F13A1: variants seen among roughly 807,000 people sequenced by gnomAD.
The protein encoded by F13A1 is FSF, A subunit.
Under a neutral mutation model 80.1 loss-of-function variants are expected in F13A1, and 47 were observed. The observed-to-expected ratio is 0.59, with a 90% CI of 0.46 to 0.75. The LOEUF (loss-of-function observed/expected upper bound fraction) is 0.75, where lower values mean the gene tolerates loss of function less well. Ranked by LOEUF, F13A1 falls within the 30% of genes least tolerant of loss-of-function variation. The probability of loss-of-function intolerance (pLI) is 0.00; values close to 1 mark genes in which losing one functional copy is unlikely to be tolerated. For missense variants in F13A1, 817 were observed against 930.4 expected (o/e 0.88, Z 1.59); for synonymous variants, 349 against 344.9 (o/e 1.01, Z -0.13).
chr6:6,146,113 C>T (rs953010162), intron 14 of F13A1, among the ~76,000 whole-genome samples: 6 of 152,158 alleles, frequency 3.9e-5, no homozygotes, highest in Non-Finnish European at 8.8e-5. Context: ...GTAGCCTTAT[C>T]TATGTGACTG....
At chr6:6,302,632 C>A (rs746666660) in intron 3 of F13A1, among the ~76,000 whole-genome samples, 1 of 152,100 alleles carries the variant, frequency 6.6e-6, no homozygotes, top group Non-Finnish European at 1.5e-5. Flanking sequence ...TGAGTGAATG[C>A]GAAGGCCTAG....
At chr6:6,165,395 A>G (rs143417474) in intron 13 of F13A1, among the ~76,000 whole-genome samples, 54 of 152,338 alleles carry the variant, frequency 3.5e-4, no homozygotes, top group African/African-American at 1.2e-3. Context: ...GATGAAAGTT[A>G]TCAGTTTCCT....
At chr6:6,231,073 G>A (rs552982705) in intron 6 of F13A1, among the ~76,000 whole-genome samples, 6 of 152,074 alleles carry the variant, frequency 3.9e-5, no homozygotes, top group African/African-American at 1.4e-4. Flanking sequence ...AAACAAAGAA[G>A]AAATCCCTGA....
In F13A1 at chr6:6,190,893, C is replaced by T. The variant is rs555236575; in HGVS notation, c.1305+4904G>A. 3.2e-4 allele frequency among the ~76,000 whole-genome samples: 49 copies of T among 152,230 alleles called. 2 individuals are homozygous for T. In the East Asian group the frequency reaches 8.3e-3, roughly 26 times the overall value. The stretch of plus-strand genomic sequence containing the variant: ...TCAGCGAGACTCCGTGGGCGTAGGA[C>T]CCTCCGAGCCAGGTGCGGGATATAA... On this transcript the variant is annotated intron_variant, in intron 10 of 14. Coordinates refer to ENST00000264870, the MANE Select transcript of F13A1 (RefSeq NM_000129.4).
chr6:6,191,325 C>G (rs564920899), intron 10 of F13A1, among the ~76,000 whole-genome samples: 13 of 152,332 alleles, frequency 8.5e-5, no homozygotes, highest in African/African-American at 3.1e-4. Flanking sequence ...TGTGAAAGCC[C>G]TACATTTACG....
intron 13 of F13A1, among the ~76,000 whole-genome samples, chr6:6,159,504 T>A (rs1441358263): frequency 6.6e-6 from 1 of 152,082 alleles, no homozygotes; most frequent in African/African-American, 2.4e-5. Context: ...CTGTGCAAAG[T>A]GGAAAAGGGA....
intron 8 of F13A1, among the ~76,000 whole-genome samples, chr6:6,203,284 A>C (rs964312544): frequency 3.3e-5 from 5 of 152,128 alleles, no homozygotes; most frequent in Admixed American, 1.3e-4. Flanking sequence ...TGTAGGTGAA[A>C]TCTATAAACA....
chr6:6,194,673 T>C (rs1761258099), intron 10 of F13A1, among the ~76,000 whole-genome samples: 1 of 152,204 alleles, frequency 6.6e-6, no homozygotes, highest in Non-Finnish European at 1.5e-5. Context: ...TTGTTGTTAT[T>C]TCATGTTCAG....
chr6:6,233,700 C>A (rs1757380728), intron 6 of F13A1, among the ~76,000 whole-genome samples: 2 of 152,018 alleles, frequency 1.3e-5, no homozygotes, highest in African/African-American at 4.8e-5. Context: ...AAATCTTTCA[C>A]AAAATACTAG....
chr6:6,232,885 TA>T (rs1275617900), intron 6 of F13A1, among the ~76,000 whole-genome samples: 1 of 152,010 alleles, frequency 6.6e-6, no homozygotes, highest in Admixed American at 6.6e-5. Flanking sequence ...AGATGAAAAT[TA>T]AAAAATTCTT....
intron 13 of F13A1, among the ~76,000 whole-genome samples, chr6:6,160,397 C>T (rs975698090): frequency 5.3e-5 from 8 of 151,190 alleles, no homozygotes; most frequent in East Asian, 2.0e-4. Flanking sequence ...AGTGCAGTGG[C>T]GGGATCTCGG....
chr6:6,208,687 CAAAG>C (rs1174672582), intron 8 of F13A1, among the ~76,000 whole-genome samples: 2 of 151,932 alleles, frequency 1.3e-5, no homozygotes, highest in African/African-American at 4.8e-5. Context: ...CTGAGTGAAA[CAAAG>C]AATCTTTAAG....
intron 13 of F13A1, among the ~76,000 whole-genome samples, chr6:6,163,171 G>A (rs923123341): frequency 3.9e-5 from 6 of 152,178 alleles, no homozygotes; most frequent in Non-Finnish European, 8.8e-5. Context: ...CAGCAACCTT[G>A]AGGCTCAGTC....
intron 3 of F13A1, among the ~76,000 whole-genome samples, chr6:6,282,989 C>T (rs1161545043): frequency 6.6e-6 from 1 of 152,216 alleles, no homozygotes; most frequent in Non-Finnish European, 1.5e-5. Flanking sequence ...TCACAGTCTA[C>T]TTCCTGGGCA....
chr6:6,297,356 G>A (rs1001540768), intron 3 of F13A1, among the ~76,000 whole-genome samples: 1 of 151,428 alleles, frequency 6.6e-6, no homozygotes, highest in Non-Finnish European at 1.5e-5. Flanking sequence ...GGTAGAATTT[G>A]GCTGTGAATC....
intron 3 of F13A1, among the ~76,000 whole-genome samples, chr6:6,298,983 T>G (rs1405347687): frequency 6.8e-6 from 1 of 147,892 alleles, no homozygotes; most frequent in East Asian, 1.9e-4. Context: ...GTCTGTAACG[T>G]ATTTTATTTC....
chr6:6,195,762 A>G, intron 10 of F13A1, 35 bp downstream of exon 10: 1 of 1,589,442 alleles, frequency 6.3e-7, no homozygotes, highest in Non-Finnish European at 8.6e-7. Flanking sequence ...GAGGTTGGGG[A>G]GAAAAACAGC....
chr6:6,219,645 A>T (rs1757163039), intron 8 of F13A1, among the ~76,000 whole-genome samples: 2 of 152,230 alleles, frequency 1.3e-5, no homozygotes, highest in Admixed American at 1.3e-4. Context: ...GTCTGGGGAC[A>T]GCCCGCACTA....
At chr6:6,223,223 C>T (rs1757224835) in intron 7 of F13A1, among the ~76,000 whole-genome samples, 2 of 152,192 alleles carry the variant, frequency 1.3e-5, no homozygotes, top group Non-Finnish European at 2.9e-5. Flanking sequence ...TGTGTTTCTG[C>T]CTTTTCTTGA....
Sources: gnomAD v4.1 joint callset for allele counts (sites outside exome capture counted in the v4.1 genomes callset) on GRCh38, gnomAD v4.1.1 for gene constraint, MANE v1.5 for transcripts, NCBI Gene and HGNC (gene_info 2026-07-23, HGNC 2026-07-21) for gene names.